The following MYOF variants were observed in gnomAD, a reference collection of about 807,000 sequenced individuals.
MYOF encodes the protein fer-1-like 3, myoferlin.
A neutral mutation model predicts 284.2 loss-of-function variants in MYOF; 244 were observed. The ratio of observed to expected loss-of-function variants is 0.86; its 90% confidence interval spans 0.77 to 0.95. The LOEUF is 0.95. MYOF is among the 40% of genes least tolerant of loss of function. The pLI is 0.00. For synonymous variants in MYOF, 904 were observed against 919.7 expected (o/e 0.98, Z 0.31); for missense variants, 2,496 against 2,560.6 (o/e 0.97, Z 0.54).
intron 1 of MYOF, among the ~76,000 whole-genome samples, chr10:93,458,507 G>A (rs1417618841): frequency 5.3e-5 from 8 of 152,108 alleles, no homozygotes; most frequent in African/African-American, 1.2e-4. Context: ...AGGCCAAGGC[G>A]GGCAGATCAC....
chr10:93,322,750 G>A (rs1842895186), intron 48 of MYOF, among the ~76,000 whole-genome samples: 1 of 152,088 alleles, frequency 6.6e-6, no homozygotes. Flanking sequence ...TATCAAAGAG[G>A]AATAAAAAGA....
Position 93,306,725 on chromosome 10 carries a change from C to A in MYOF, c.*238G>T. ...CCACCTTGAAAAATATTTTGAAAAA[C>A]ATGATTTAAACTTTAGAAAATAAAA... On this transcript the variant is annotated 3_prime_UTR_variant, in exon 54 of 54. Transcript: ENST00000359263. The A allele has an allele frequency of 2.2e-6, 1 of 462,394 alleles. No homozygotes were observed. Among genetic ancestry groups the A allele is most frequent in the Non-Finnish European group, 3.8e-6 (1 of 265,074 alleles). The allele number at this position is 462,394 out of a possible 1,614,324, so 28.6% of individuals were successfully genotyped here.
At chr10:93,356,579 T>C in intron 30 of MYOF, 96 bp downstream of exon 30, 12 of 1,341,104 alleles carry the variant, frequency 8.9e-6, no homozygotes, top group Non-Finnish European at 1.2e-5. Context: ...AGTACCAGGG[T>C]TACAGGGACC....
chr10:93,407,737 C>T (rs1425166141), intron 7 of MYOF, among the ~76,000 whole-genome samples: 2 of 95,164 alleles, frequency 2.1e-5, no homozygotes, highest in African/African-American at 3.9e-5. Context: ...GACTCTGTCT[C>T]AAAAAAAAAA....
At chr10:93,389,879 A>T (rs1385889035) in intron 17 of MYOF, among the ~76,000 whole-genome samples, 1 of 152,202 alleles carries the variant, frequency 6.6e-6, no homozygotes, top group Non-Finnish European at 1.5e-5. Flanking sequence ...AATAGCCTGA[A>T]TGGCCCCCCA....
rs570153470 is a variant in MYOF, at chr10:93,361,944, A to G, written c.2869-387T>C. 3.3e-5 allele frequency among the ~76,000 whole-genome samples: 5 copies of G among 152,210 alleles called. No individual in the cohort carries two copies. In the South Asian group the frequency reaches 1.0e-3, roughly 32 times the overall value. On this transcript the variant is annotated intron_variant, in intron 27 of 53. Coordinates refer to ENST00000359263, the MANE Select transcript of MYOF (RefSeq NM_013451.4). The stretch of plus-strand genomic sequence containing the variant: ...AGAATGGGTAAAACATTCAAGACAC[A>G]TGGTTGTTTGTTTCTTTGTTTTGAG...
At chr10:93,427,803 C>A (rs1316500382) in intron 4 of MYOF, among the ~76,000 whole-genome samples, 1 of 152,004 alleles carries the variant, frequency 6.6e-6, no homozygotes, top group East Asian at 1.9e-4. Context: ...GTTATTCCTA[C>A]TTATAAGAGC....
chr10:93,324,146 G>A (rs1842948107), intron 46 of MYOF: 4 of 152,170 alleles, frequency 2.6e-5, no homozygotes, highest in African/African-American at 9.7e-5. Context: ...TGACTCGAAT[G>A]TTCTTCCAGA....
At chr10:93,392,867 T>A in intron 17 of MYOF, 50 bp downstream of exon 17, 2 of 1,507,744 alleles carry the variant, frequency 1.3e-6, no homozygotes, top group Non-Finnish European at 1.8e-6. Flanking sequence ...CTTAATAAGA[T>A]AATATTAGCT....
intron 37 of MYOF, 52 bp downstream of exon 37, chr10:93,347,565 A>AAAAAAAAAAAG: frequency 9.1e-6 from 13 of 1,434,972 alleles, no homozygotes; most frequent in South Asian, 1.5e-5. Flanking sequence ...TCTCAAAAAA[A>AAAAAAAAAAAG]AAAAAAAAAA....
chr10:93,354,039 T>C (rs1844665567), intron 31 of MYOF, 151 bp from the exon 32 acceptor site: 4 of 569,814 alleles, frequency 7.0e-6, no homozygotes, highest in East Asian at 2.9e-5. Flanking sequence ...AGAATAGTGA[T>C]GATGTGGCCT....
intron 22 of MYOF, among the ~76,000 whole-genome samples, chr10:93,375,244 G>A (rs1273031088): frequency 6.6e-6 from 1 of 152,224 alleles, no homozygotes; most frequent in African/African-American, 2.4e-5. Context: ...CTGGAAAGAA[G>A]ATGGAAACAG....
At chr10:93,318,159 A>G (rs1320012433) in intron 49 of MYOF, among the ~76,000 whole-genome samples, 1 of 152,150 alleles carries the variant, frequency 6.6e-6, no homozygotes, top group African/African-American at 2.4e-5. Context: ...GTGCCTCTTA[A>G]AAGTCCCCTT....
At chr10:93,446,411 A>G (rs1675678567) in intron 3 of MYOF, among the ~76,000 whole-genome samples, 2 of 152,206 alleles carry the variant, frequency 1.3e-5, no homozygotes, top group Admixed American at 6.5e-5. Context: ...TTATAGCATC[A>G]CCCGATTAAT....
intron 28 of MYOF, among the ~76,000 whole-genome samples, chr10:93,360,564 T>G (rs571595645): frequency 3.3e-5 from 5 of 152,252 alleles, no homozygotes; most frequent in Non-Finnish European, 5.9e-5. Context: ...GAGCTTATAA[T>G]TGATTTGAAA....
chr10:93,314,034 G>A (rs1010958991), intron 50 of MYOF, among the ~76,000 whole-genome samples: 2 of 152,230 alleles, frequency 1.3e-5, no homozygotes, highest in African/African-American at 4.8e-5. Context: ...CAGGAACTGA[G>A]ACTCCTAGCC....
intron 32 of MYOF, 127 bp from the exon 33 acceptor site, chr10:93,351,973 T>C (rs1844543519): frequency 1.2e-6 from 1 of 827,134 alleles, no homozygotes; most frequent in Non-Finnish European, 1.8e-6. Flanking sequence ...TGCCTGGAGA[T>C]AGGGTTTCTA....
rs780058665 is a variant in MYOF, at chr10:93,402,247, G to A, written c.975C>T (p.Thr325=). 75 of 1,613,754 alleles carry A rather than the reference G, an allele frequency of 4.6e-5. No homozygotes were observed. The highest frequency in any genetic ancestry group is 3.3e-4 in the Middle Eastern group (2 of 6,082). Residue 325 remains threonine, a synonymous_variant, in exon 11 of 54, where the codon ACC becomes ACT. Transcript: ENST00000359263. ...YMKVSMFVLG[T]GDEPPPERRD... is the part of the protein sequence containing the mutation. ...AGGGACTCACAGGAGGCTCATCTCC[G>A]GTTCCCAGGACAAACATGCTGACTT...
At chr10:93,374,312 G>A (rs1845736013) in intron 23 of MYOF, among the ~76,000 whole-genome samples, 1 of 152,112 alleles carries the variant, frequency 6.6e-6, no homozygotes, top group Non-Finnish European at 1.5e-5. Flanking sequence ...ACACAACAAA[G>A]CTAACTAGTA....
Sources: allele counts gnomAD v4.1 joint callset (sites outside exome capture counted in the v4.1 genomes callset), GRCh38; gene constraint gnomAD v4.1.1; transcripts MANE v1.5; gene names NCBI Gene and HGNC (gene_info 2026-07-23, HGNC 2026-07-21).